Variants in SYK observed in about 807,000 individuals in gnomAD.
The protein encoded by SYK is spleen associated tyrosine kinase.
In SYK, 16 loss-of-function variants were observed where a neutral mutation model predicts 77.8. The ratio of observed to expected loss-of-function variants is 0.21; its 90% CI spans 0.14 to 0.31. The LOEUF (loss-of-function observed/expected upper bound fraction) is 0.31, where lower values mean the gene tolerates loss of function less well. Among genes scored for constraint, SYK ranks in the 10% least tolerant of loss-of-function variants. The pLI is 1.00. For missense variants in SYK, 529 were observed against 814.4 expected, an observed-to-expected ratio of 0.65 and a Z score of 4.26; for synonymous variants, 312 against 308.7, an observed-to-expected ratio of 1.01 and a Z score of -0.11.
intron 3 of SYK, among the ~76,000 whole-genome samples, chr9:90,849,740 C>T (rs1278302550): frequency 6.6e-6 from 1 of 152,232 alleles, no homozygotes; most frequent in Non-Finnish European, 1.5e-5. Context: ...CAAATGCTGG[C>T]TCCACCTTAT....
intron 13 of SYK, among the ~76,000 whole-genome samples, chr9:90,891,142 C>CTT (rs750370621): frequency 0.14 from 16,431 of 118,306 alleles, 1,912 homozygotes; most frequent in East Asian, 0.54. Flanking sequence ...ATGTTGCCTG[C>CTT]TTTTTTTTTT....
chr9:90,827,417 G>A (rs1372333404), intron 1 of SYK: 2 of 152,206 alleles, frequency 1.3e-5, no homozygotes, highest in Admixed American at 1.3e-4. Context: ...TCCAGCAGCA[G>A]GAAGCACTCT....
At chr9:90,836,241 T>C (rs1826079910) in intron 1 of SYK, among the ~76,000 whole-genome samples, 1 of 151,030 alleles carries the variant, frequency 6.6e-6, no homozygotes, top group Non-Finnish European at 1.5e-5. Context: ...GAGCCGAGAT[T>C]GTGCCACTGC....
intron 1 of SYK, among the ~76,000 whole-genome samples, chr9:90,813,080 C>A (rs1042638408): frequency 6.6e-6 from 1 of 152,042 alleles, no homozygotes; most frequent in African/African-American, 2.4e-5. Context: ...TAACATTATG[C>A]TTAGTCCACC....
At chr9:90,865,891 C>CTTTTTTTTTTTTTTTTTTTTTTTT (rs10680406) in intron 6 of SYK, among the ~76,000 whole-genome samples, 1 of 61,264 alleles carries the variant, frequency 1.6e-5, no homozygotes, top group Non-Finnish European at 2.7e-5. Context: ...TACATATGGC[C>CTTTTTTTTTTTTTTTTTTTTTTTT]TTTTTTTTTT....
At chr9:90,886,227 A>C (rs565731132) in intron 11 of SYK, among the ~76,000 whole-genome samples, 2 of 152,372 alleles carry the variant, frequency 1.3e-5, no homozygotes, top group South Asian at 4.1e-4. Context: ...ATCACCAAAC[A>C]GCAGGGAAAT....
intron 1 of SYK, among the ~76,000 whole-genome samples, chr9:90,816,937 T>G (rs1418418119): frequency 1.3e-5 from 2 of 152,276 alleles, no homozygotes; most frequent in East Asian, 1.9e-4. Flanking sequence ...AGCCGTTTAT[T>G]CCTTGGTGGA....
chr9:90,854,974 A>C, intron 3 of SYK, among the ~76,000 whole-genome samples: 2 of 144,194 alleles, frequency 1.4e-5, no homozygotes, highest in African/African-American at 2.6e-5. Context: ...TCTTCCCCCT[A>C]CAGCCCGCCT....
intron 11 of SYK, among the ~76,000 whole-genome samples, chr9:90,879,362 T>G (rs968847219): frequency 2.6e-5 from 4 of 152,214 alleles, no homozygotes; most frequent in African/African-American, 9.6e-5. Flanking sequence ...CTGCACTGCA[T>G]TTCTCAAACC....
At chr9:90,858,214 T>C (rs1175031774) in intron 3 of SYK, among the ~76,000 whole-genome samples, 4 of 152,128 alleles carry the variant, frequency 2.6e-5, no homozygotes, top group Non-Finnish European at 5.9e-5. Flanking sequence ...CTTTGGATAG[T>C]GTTCTAGTGT....
chr9:90,877,486 CAG>C, intron 9 of SYK, 83 bp from the exon 10 acceptor site: 1 of 1,461,608 alleles, frequency 6.8e-7, no homozygotes, highest in Non-Finnish European at 9.4e-7. Context: ...ACTGTTTCCA[CAG>C]GGGGATTATG....
At chr9:90,885,028 C>A (rs185109339) in intron 11 of SYK, among the ~76,000 whole-genome samples, 1 of 147,128 alleles carries the variant, frequency 6.8e-6, no homozygotes, top group African/African-American at 2.5e-5. Context: ...AGGAAAAAGA[C>A]CTCCTCTACA....
intron 3 of SYK, among the ~76,000 whole-genome samples, chr9:90,854,269 G>A (rs561860526): frequency 3.9e-5 from 6 of 152,282 alleles, no homozygotes; most frequent in African/African-American, 1.4e-4. Context: ...GAGCAGGGGC[G>A]GCTGCTCTGA....
At chr9:90,810,582 C>T (rs1258725373) in intron 1 of SYK, among the ~76,000 whole-genome samples, 1 of 151,658 alleles carries the variant, frequency 6.6e-6, no homozygotes, top group Non-Finnish European at 1.5e-5. Flanking sequence ...CCATCAAGAG[C>T]ACCAGGGAGC....
At chr9:90,843,825 C>G (rs2118626670) in intron 1 of SYK, 33 bp from the exon 2 acceptor site, 2 of 1,399,382 alleles carry the variant, frequency 1.4e-6, no homozygotes, top group Non-Finnish European at 1.9e-6. Flanking sequence ...ACGTGGGGTC[C>G]TCACCAAAGT....
intron 1 of SYK, among the ~76,000 whole-genome samples, chr9:90,817,452 G>T (rs183765507): frequency 6.6e-6 from 1 of 152,258 alleles, no homozygotes; most frequent in Non-Finnish European, 1.5e-5. Flanking sequence ...CATGCTGCCT[G>T]CAGTGTTAAT....
At chr9:90,865,973 A>G (rs1827474357) in intron 6 of SYK, among the ~76,000 whole-genome samples, 1 of 126,312 alleles carries the variant, frequency 7.9e-6, no homozygotes. Flanking sequence ...ATCTCAGCTC[A>G]CTGCAAGCTC....
chr9:90,842,144 TGC>T lies in SYK; in HGVS notation c.-41-1713_-41-1712del, dbSNP rs985565528. The stretch of plus-strand genomic sequence containing the variant: ...GTATGTATGTAATTTGTGTTGTGTG[TGC>T]AGTGTGTGTTGTTTGTAGTGTGTTG... On this transcript the variant is annotated intron_variant, in intron 1 of 13. Coordinates refer to ENST00000375754, the MANE Select transcript of SYK (RefSeq NM_003177.7). Among the ~76,000 whole-genome samples, 96 of 151,614 alleles carry T rather than the reference TGC, an allele frequency of 6.3e-4. 1 individual carries two copies. The highest frequency in any genetic ancestry group is 1.3e-3 in the Non-Finnish European group (85 of 67,766).
intron 1 of SYK, among the ~76,000 whole-genome samples, chr9:90,830,231 A>G (rs1352994208): frequency 6.6e-6 from 1 of 152,220 alleles, no homozygotes; most frequent in African/African-American, 2.4e-5. Context: ...GTGCAGTGTG[A>G]TGCACAGGCA....
Sources: allele counts gnomAD v4.1 joint callset (sites outside exome capture counted in the v4.1 genomes callset), GRCh38; gene constraint gnomAD v4.1.1; transcripts MANE v1.5; gene names NCBI Gene and HGNC (gene_info 2026-07-23, HGNC 2026-07-21).